NBDY: variants seen among roughly 807,000 people sequenced by gnomAD.
NBDY encodes the protein negative regulator of P-body association, also known as P-body dissociating protein.
At chrX:56,749,727 C>T (rs1341301470) in intron 2 of NBDY, among the ~76,000 whole-genome samples, 2 of 108,232 alleles carry the variant, frequency 1.8e-5, no homozygotes, top group African/African-American at 6.8e-5. Flanking sequence ...TCCCATCTCA[C>T]TGCAGCCTCG....
At chrX:56,809,505 T>C (rs1244221589) in intron 2 of NBDY, among the ~76,000 whole-genome samples, 1 of 112,427 alleles carries the variant, frequency 8.9e-6, no homozygotes, top group Non-Finnish European at 1.9e-5. Flanking sequence ...TTTACCATTA[T>C]GTAATGTCCT....
intron 2 of NBDY, among the ~76,000 whole-genome samples, chrX:56,796,877 G>A (rs756434326): frequency 1.8e-5 from 2 of 111,356 alleles, no homozygotes; most frequent in Non-Finnish European, 3.8e-5. Context: ...TCCTTTAAGT[G>A]GGACATGACC....
chrX:56,732,321 T>C, intron 2 of NBDY, 122 bp downstream of exon 2: 1 of 277,962 alleles, frequency 3.6e-6, no homozygotes, highest in Non-Finnish European at 6.3e-6. Flanking sequence ...ATTGAAACTA[T>C]ATTCTACATT....
intron 2 of NBDY, among the ~76,000 whole-genome samples, chrX:56,751,856 C>G (rs945693385): frequency 6.2e-5 from 7 of 112,276 alleles, no homozygotes; most frequent in Non-Finnish European, 1.1e-4. Flanking sequence ...GACATCCATT[C>G]CCTCCTGCCT....
intron 2 of NBDY, chrX:56,737,564 T>G (rs1228739241): frequency 8.1e-5 from 61 of 750,681 alleles, no homozygotes; most frequent in Non-Finnish European, 1.2e-4. Context: ...TGAAATGGCC[T>G]GCTTGCCAGC....
intron 2 of NBDY, among the ~76,000 whole-genome samples, chrX:56,755,337 A>G (rs1360042154): frequency 8.9e-6 from 1 of 112,411 alleles, no homozygotes; most frequent in African/African-American, 3.2e-5. Flanking sequence ...AGAAACTACC[A>G]TCAGAGTGAA....
At chrX:56,803,571 G>A (rs2069834684) in intron 2 of NBDY, among the ~76,000 whole-genome samples, 1 of 111,249 alleles carries the variant, frequency 9.0e-6, no homozygotes, top group Non-Finnish European at 1.9e-5. Flanking sequence ...TCTCCGTGGG[G>A]TCCAAATGGC....
At chrX:56,782,901 C>T (rs954707552) in intron 2 of NBDY, among the ~76,000 whole-genome samples, 24 of 112,268 alleles carry the variant, frequency 2.1e-4, no homozygotes, top group African/African-American at 7.1e-4. Flanking sequence ...CAAACACACA[C>T]GCACATGGAG....
chrX:56,739,230 TTG>T lies in NBDY; in HGVS notation c.*166+7039_*166+7040del, dbSNP rs1168874061. ...CAACATTATACATATATATGTGTGT[TTG>T]TGTGTGTATATATATATATATATAT... On this transcript the variant is annotated intron_variant, in intron 2 of 2. Transcript: ENST00000374922. Among the ~76,000 whole-genome samples the T allele has an allele frequency of 9.5e-3, 629 of 66,230 alleles. 24 individuals carry two copies. Among genetic ancestry groups the T allele is most frequent in the African/African-American group, 0.025 (424 of 17,292 alleles). The allele number at this position is 66,230 out of a possible 115,157, so 57.5% of individuals were successfully genotyped here. A position where few individuals can be genotyped will look rare whatever the true frequency, so the allele number is the denominator to read the frequency against.
chrX:56,731,916 C>T lies in NBDY; in HGVS notation c.*30-147C>T, dbSNP rs1259274448. On this transcript the variant is annotated intron_variant, in intron 1 of 2. Transcript: ENST00000374922. Reference sequence around the variant, plus strand: ...CTCTAAACTTCTATATAATACATCCCTTCTAATACTATGTATACAACTGTT... The same window carrying T: ...CTCTAAACTTCTATATAATACATCCTTTCTAATACTATGTATACAACTGTT... 24 of 254,770 alleles carry T rather than the reference C, an allele frequency of 9.4e-5. No individual in the cohort carries two copies. In the East Asian group the frequency reaches 1.3e-3, roughly 14 times the overall value. The allele number at this position is 254,770 out of a possible 1,213,427, so 21.0% of individuals were successfully genotyped here. A position where few individuals can be genotyped will look rare whatever the true frequency, so the allele number is the denominator to read the frequency against.
At chrX:56,732,991 T>C (rs1418124043) in intron 2 of NBDY, among the ~76,000 whole-genome samples, 3 of 110,985 alleles carry the variant, frequency 2.7e-5, no homozygotes, top group Non-Finnish European at 5.7e-5. Context: ...TATTGAACTT[T>C]CTTCTACTTT....
chrX:56,764,238 G>A (rs1031718546), intron 2 of NBDY, among the ~76,000 whole-genome samples: 1 of 112,449 alleles, frequency 8.9e-6, no homozygotes, highest in East Asian at 2.8e-4. Context: ...CGGGAGGATC[G>A]GGGCCCCCTT....
rs918168101 is a variant in NBDY at position 56,812,559 on chromosome X, A to G, written c.*167-4761A>G. Among the ~76,000 whole-genome samples the G allele has an allele frequency of 4.5e-5, 5 of 110,279 alleles. No individual in the cohort carries two copies. In the South Asian group the frequency reaches 1.6e-3, roughly 36 times the overall value. On this transcript the variant is annotated intron_variant, in intron 2 of 2. Transcript: ENST00000374922. ...ATTCAGAGGGCAAGATTTTGCCTGT[A>G]CCTTTGTTCTCTTTTGCTCCTGCAA...
chrX:56,767,225 G>A (rs1274129517), intron 2 of NBDY, among the ~76,000 whole-genome samples: 2 of 113,556 alleles, frequency 1.8e-5, no homozygotes, highest in Admixed American at 9.2e-5. Context: ...ACCTGGAGAG[G>A]TCCAAAGGAA....
chrX:56,813,036 G>C, intron 2 of NBDY, among the ~76,000 whole-genome samples: 1 of 110,469 alleles, frequency 9.1e-6, no homozygotes. Context: ...ACCGGGGCCT[G>C]TCTTGCTGTG....
In NBDY at chrX:56,737,304, C is replaced by T. The variant is rs2069500769; in HGVS notation, c.*166+5105C>T. 2.7e-5 allele frequency: 26 copies of T among 958,188 alleles called. No individual in the cohort carries two copies. In the South Asian group the frequency reaches 5.0e-4, roughly 19 times the overall value. 79.0% of individuals were successfully genotyped at this position (958,188 alleles called of 1,213,427 possible). On this transcript the variant is annotated intron_variant, in intron 2 of 2. Coordinates refer to ENST00000374922, the MANE Select transcript of NBDY (RefSeq NM_001348129.2). ...CGAATAACCTCTTGCACATACAGTT[C>T]AAGGTAGAAATTTTCCTCTTCATAT... is the stretch of plus-strand genomic sequence containing the variant.
chrX:56,732,416 G>T (rs2069464230), intron 2 of NBDY, among the ~76,000 whole-genome samples: 1 of 111,729 alleles, frequency 9.0e-6, no homozygotes, highest in South Asian at 3.7e-4. Flanking sequence ...TATTATTACT[G>T]TGAAATATAT....
chrX:56,752,558 G>A (rs2069591037), intron 2 of NBDY, among the ~76,000 whole-genome samples: 1 of 111,424 alleles, frequency 9.0e-6, no homozygotes, highest in Non-Finnish European at 1.9e-5. Context: ...CAGCTCTTGA[G>A]GGGATGCTCC....
chrX:56,761,502 T>G (rs2069636779), intron 2 of NBDY, among the ~76,000 whole-genome samples: 1 of 113,467 alleles, frequency 8.8e-6, no homozygotes, highest in South Asian at 3.5e-4. Context: ...TGGTGGCTCT[T>G]CCTCTGTGAA....
Sources: allele counts gnomAD v4.1 joint callset (sites outside exome capture counted in the v4.1 genomes callset), GRCh38; gene constraint gnomAD v4.1.1; transcripts MANE v1.5; gene names NCBI Gene and HGNC (gene_info 2026-07-23, HGNC 2026-07-21).